The following RALYL variants were observed in gnomAD, a reference collection of about 807,000 sequenced individuals.
RALYL encodes RALY RNA binding protein like.
A neutral mutation model predicts 35.1 loss-of-function variants in RALYL; 29 were observed. That is an observed-to-expected ratio of 0.83 (90% CI 0.61 to 1.13). The LOEUF (loss-of-function observed/expected upper bound fraction) is 1.13. Ranked by LOEUF, RALYL falls within the 50% of genes most tolerant of loss-of-function variation. The pLI is 0.00. For synonymous variants in RALYL, 120 were observed against 127.6 expected (o/e 0.94, Z 0.40); for missense variants, 359 against 360.4 (o/e 1.00, Z 0.03).
At chr8:84,555,047 A>T (rs554950492) in intron 2 of RALYL, among the ~76,000 whole-genome samples, 1 of 152,036 alleles carries the variant, frequency 6.6e-6, no homozygotes, top group East Asian at 1.9e-4. Context: ...TTGGGAGGCT[A>T]AGGCGGGCAG....
At chr8:84,555,037 T>G (rs763282149) in intron 2 of RALYL, among the ~76,000 whole-genome samples, 2 of 152,140 alleles carry the variant, frequency 1.3e-5, no homozygotes, top group African/African-American at 2.4e-5. Flanking sequence ...TCCCAGCACT[T>G]TGGGAGGCTA....
intron 8 of RALYL, among the ~76,000 whole-genome samples, chr8:84,900,745 A>T (rs1845548310): frequency 6.6e-6 from 1 of 152,186 alleles, no homozygotes; most frequent in Admixed American, 6.5e-5. Context: ...CATAAGCAGT[A>T]ACAAATTTAC....
intron 1 of RALYL, among the ~76,000 whole-genome samples, chr8:84,428,330 A>C (rs1414497084): frequency 6.6e-6 from 1 of 152,218 alleles, no homozygotes; most frequent in African/African-American, 2.4e-5. Flanking sequence ...TTTATTCTAT[A>C]AACATAAAAA....
At chr8:84,290,428 C>A (rs1257138575) in intron 1 of RALYL, among the ~76,000 whole-genome samples, 3 of 147,802 alleles carry the variant, frequency 2.0e-5, no homozygotes, top group African/African-American at 7.6e-5. Context: ...AGGGTGGGGC[C>A]GTTTTATAGG....
At chr8:84,513,894 G>A (rs551496089) in intron 1 of RALYL, among the ~76,000 whole-genome samples, 33 of 151,782 alleles carry the variant, frequency 2.2e-4, no homozygotes, top group Non-Finnish European at 3.8e-4. Flanking sequence ...TCAGGAGTTC[G>A]AGACTAGCCT....
intron 1 of RALYL, among the ~76,000 whole-genome samples, chr8:84,436,758 T>C (rs924788094): frequency 3.3e-5 from 5 of 151,440 alleles, no homozygotes; most frequent in African/African-American, 1.2e-4. Flanking sequence ...TACTGCAAGA[T>C]TATAATAAAC....
intron 2 of RALYL, among the ~76,000 whole-genome samples, chr8:84,650,481 T>A (rs1828522545): frequency 6.6e-6 from 1 of 152,062 alleles, no homozygotes; most frequent in Admixed American, 6.6e-5. Flanking sequence ...ATGCTCACCA[T>A]CACTGGCCAT....
intron 2 of RALYL, among the ~76,000 whole-genome samples, chr8:84,682,316 C>T (rs1407147120): frequency 6.6e-6 from 1 of 152,038 alleles, no homozygotes; most frequent in Non-Finnish European, 1.5e-5. Flanking sequence ...TTTGTTGTGT[C>T]TCTGCCAGGC....
intron 1 of RALYL, among the ~76,000 whole-genome samples, chr8:84,435,340 C>T (rs2047594667): frequency 6.6e-6 from 1 of 151,978 alleles, no homozygotes. Context: ...TAACATTATC[C>T]CTCTATTATT....
chr8:84,859,230 G>A (rs749220540), intron 5 of RALYL, among the ~76,000 whole-genome samples: 9 of 152,206 alleles, frequency 5.9e-5, no homozygotes, highest in Admixed American at 1.3e-4. Flanking sequence ...GATTGGTTGC[G>A]GGAGGGGACC....
chr8:84,462,098 C>G (rs1478418694), intron 1 of RALYL, among the ~76,000 whole-genome samples: 1 of 151,422 alleles, frequency 6.6e-6, no homozygotes, highest in Non-Finnish European at 1.5e-5. Flanking sequence ...TCCGTGCCAC[C>G]TTTTGGTGTA....
intron 2 of RALYL, among the ~76,000 whole-genome samples, chr8:84,706,262 C>T (rs1841194872): frequency 6.6e-6 from 1 of 152,112 alleles, no homozygotes; most frequent in Admixed American, 6.5e-5. Context: ...CGCTTGTTAC[C>T]ATGGAAACCC....
At chr8:84,852,359 C>T (rs1586767708) in intron 5 of RALYL, among the ~76,000 whole-genome samples, 2 of 152,040 alleles carry the variant, frequency 1.3e-5, no homozygotes, top group Non-Finnish European at 2.9e-5. Flanking sequence ...TATTAAGAAA[C>T]TTATCATAAC....
chr8:84,183,217 C>G, upstream of RALYL: 1 of 143,412 alleles, frequency 7.0e-6, no homozygotes, highest in South Asian at 2.3e-4. Context: ...GCCTGTCTTG[C>G]GTGTGCGTGT....
chr8:84,676,269 A>C (rs1834174945), intron 2 of RALYL, among the ~76,000 whole-genome samples: 1 of 152,256 alleles, frequency 6.6e-6, no homozygotes, highest in Non-Finnish European at 1.5e-5. Flanking sequence ...GGTTGCTTAT[A>C]CTATGACTAT....
chr8:84,350,988 G>A (rs560776619), intron 1 of RALYL, among the ~76,000 whole-genome samples: 8 of 149,622 alleles, frequency 5.3e-5, no homozygotes, highest in South Asian at 2.1e-4. Flanking sequence ...GGGGGTGAGC[G>A]GATTGTGGCA....
At chr8:84,683,053 A>G (rs1835938133) in intron 2 of RALYL, among the ~76,000 whole-genome samples, 1 of 152,052 alleles carries the variant, frequency 6.6e-6, no homozygotes, top group Non-Finnish European at 1.5e-5. Context: ...CTCTGTTCTC[A>G]TTGATTTCAA....
chr8:84,527,591 A>G (rs1482618761), intron 1 of RALYL, among the ~76,000 whole-genome samples: 1 of 152,180 alleles, frequency 6.6e-6, no homozygotes, highest in Admixed American at 6.5e-5. Flanking sequence ...TTGGAATGGT[A>G]AGAAAGGAAA....
intron 4 of RALYL, among the ~76,000 whole-genome samples, chr8:84,822,220 T>C (rs1828698416): frequency 6.6e-6 from 1 of 152,154 alleles, no homozygotes; most frequent in South Asian, 2.1e-4. Flanking sequence ...TGAGGTTCTC[T>C]AGAGAAGTTA....
Sources: gnomAD v4.1 joint callset for allele counts (sites outside exome capture counted in the v4.1 genomes callset) on GRCh38, gnomAD v4.1.1 for gene constraint, MANE v1.5 for transcripts, NCBI Gene and HGNC (gene_info 2026-07-23, HGNC 2026-07-21) for gene names.